The following COP1 variants were observed in gnomAD, a reference collection of about 807,000 sequenced individuals.
COP1 encodes the protein COP1 E3 ubiquitin ligase.
A neutral mutation model predicts 101.3 loss-of-function variants in COP1; 24 were observed. The observed-to-expected ratio is 0.24, with a 90% CI of 0.17 to 0.33. COP1 has a LOEUF of 0.33. Among genes scored for constraint, COP1 ranks in the 10% least tolerant of loss-of-function variants. The pLI, the probability that COP1 is intolerant of heterozygous loss-of-function variation, is 1.00. For missense variants in COP1, 663 were observed against 906.2 expected (o/e 0.73, Z 3.45); for synonymous variants, 347 against 341.9 (o/e 1.01, Z -0.17).
rs9887807 is a variant in COP1, at chr1:176,159,984, T to G, written c.762+2885A>C. Among the ~76,000 whole-genome samples, 832 of 152,216 alleles carry G rather than the reference T, an allele frequency of 5.5e-3. 10 individuals are homozygous for G. The highest frequency in any genetic ancestry group is 0.019 in the African/African-American group (792 of 41,548). On this transcript the variant is annotated intron_variant, in intron 5 of 19. Coordinates refer to ENST00000367669, the MANE Select transcript of COP1 (RefSeq NM_022457.7). ...TTATTTTCTGTACTTTTCTGTATGC[T>G]GGAAAGATTCAGGTTAAATAATAAT...
intron 15 of COP1, among the ~76,000 whole-genome samples, chr1:176,009,258 C>T (rs145420623): frequency 3.9e-5 from 6 of 152,200 alleles, no homozygotes; most frequent in East Asian, 1.9e-4. Context: ...CTGTGGGTAT[C>T]GACAGGTATT....
intron 4 of COP1, among the ~76,000 whole-genome samples, chr1:176,163,436 G>A (rs1224328879): frequency 2.0e-5 from 3 of 152,192 alleles, no homozygotes; most frequent in Non-Finnish European, 1.5e-5. Flanking sequence ...GCCCAAGCTA[G>A]TCTCAAATTC....
intron 15 of COP1, among the ~76,000 whole-genome samples, chr1:176,026,171 A>G (rs1190489442): frequency 1.3e-5 from 2 of 152,086 alleles, no homozygotes; most frequent in Non-Finnish European, 2.9e-5. Context: ...GTAGGTTCCT[A>G]TTTTCCAAGA....
In COP1 at chr1:176,079,555, C is replaced by T. The variant is rs569350160; in HGVS notation, c.1277+1597G>A. Reference sequence around the variant, plus strand: ...GTACCTATGCTCACTGTCTGGGTGACGGAAATGTTAGGACCCCAAGCCTCA... The same window carrying T: ...GTACCTATGCTCACTGTCTGGGTGATGGAAATGTTAGGACCCCAAGCCTCA... On this transcript the variant is annotated intron_variant, in intron 11 of 19. Coordinates refer to ENST00000367669, the MANE Select transcript of COP1 (RefSeq NM_022457.7). Among the ~76,000 whole-genome samples the T allele has an allele frequency of 4.0e-5, 6 of 150,972 alleles. No individual in the cohort carries two copies. In the East Asian group the frequency reaches 5.8e-4, roughly 15 times the overall value.
intron 2 of COP1, among the ~76,000 whole-genome samples, chr1:176,181,614 G>T (rs1459429038): frequency 1.3e-5 from 2 of 151,878 alleles, no homozygotes; most frequent in African/African-American, 4.8e-5. Flanking sequence ...AGGCCGAGGC[G>T]GGCGGATCAC....
At chr1:176,047,443 T>C (rs1671709852) in intron 11 of COP1, among the ~76,000 whole-genome samples, 1 of 152,090 alleles carries the variant, frequency 6.6e-6, no homozygotes, top group Non-Finnish European at 1.5e-5. Context: ...AAACACAAGG[T>C]AGTCTGGTTT....
At chr1:175,948,645 A>G (rs1174851144) in intron 18 of COP1, among the ~76,000 whole-genome samples, 1 of 152,206 alleles carries the variant, frequency 6.6e-6, no homozygotes, top group Non-Finnish European at 1.5e-5. Context: ...ATTTCTAATA[A>G]AGCTGCTCTT....
intron 6 of COP1, among the ~76,000 whole-genome samples, chr1:176,144,825 T>A (rs186231383): frequency 6.6e-6 from 1 of 152,270 alleles, no homozygotes; most frequent in East Asian, 1.9e-4. Flanking sequence ...GATATCCATA[T>A]GAAAATATCT....
At chr1:176,008,041 T>C (rs1433645516) in intron 15 of COP1, among the ~76,000 whole-genome samples, 16 of 152,162 alleles carry the variant, frequency 1.1e-4, no homozygotes, top group Admixed American at 1.0e-3. Flanking sequence ...GGATATAATC[T>C]CGTGGTGCGC....
intron 8 of COP1, among the ~76,000 whole-genome samples, chr1:176,119,984 C>A (rs1027513116): frequency 6.6e-6 from 1 of 152,124 alleles, no homozygotes; most frequent in Admixed American, 6.5e-5. Flanking sequence ...CCAGAGTCCA[C>A]AAGAACGACC....
At chr1:176,046,532 T>G (rs1246802214) in intron 11 of COP1, among the ~76,000 whole-genome samples, 2 of 152,100 alleles carry the variant, frequency 1.3e-5, no homozygotes, top group South Asian at 2.1e-4. Flanking sequence ...CATTTGTATA[T>G]CTACACAATT....
At chr1:176,121,619 G>T (rs1003702783) in intron 8 of COP1, among the ~76,000 whole-genome samples, 20 of 152,084 alleles carry the variant, frequency 1.3e-4, no homozygotes, top group Admixed American at 1.2e-3. Flanking sequence ...TTGCAACTTG[G>T]ACATATAAAT....
intron 11 of COP1, among the ~76,000 whole-genome samples, chr1:176,055,821 T>C (rs60630667): frequency 0.066 from 10,073 of 152,270 alleles, 415 homozygotes; most frequent in Middle Eastern, 0.12. Flanking sequence ...TTCTTATTTT[T>C]ATATTTATTT....
At chr1:176,027,767 G>A in intron 14 of COP1, 79 bp from the exon 15 acceptor site, 1 of 831,592 alleles carries the variant, frequency 1.2e-6, no homozygotes, top group Non-Finnish European at 2.0e-6. Context: ...GGGAAAGTTG[G>A]CTTATTGCTC....
intron 11 of COP1, among the ~76,000 whole-genome samples, chr1:176,064,950 C>A (rs1035824468): frequency 6.6e-6 from 1 of 152,134 alleles, no homozygotes; most frequent in Non-Finnish European, 1.5e-5. Flanking sequence ...CTTGTAGTAG[C>A]TACCACTTCT....
chr1:176,112,773 T>A (rs1256722725), intron 9 of COP1, among the ~76,000 whole-genome samples: 1 of 150,272 alleles, frequency 6.7e-6, no homozygotes, highest in Admixed American at 6.6e-5. Flanking sequence ...TGAGATCCAC[T>A]TTTTTTTGGC....
intron 5 of COP1, among the ~76,000 whole-genome samples, chr1:176,151,213 T>C (rs533353896): frequency 7.2e-6 from 1 of 139,394 alleles, no homozygotes; most frequent in African/African-American, 2.7e-5. Context: ...AGGAAGCGTG[T>C]AAGAAAAAGA....
intron 3 of COP1, among the ~76,000 whole-genome samples, chr1:176,173,637 CAA>C (rs776004659): frequency 3.3e-5 from 4 of 120,366 alleles, no homozygotes; most frequent in Non-Finnish European, 3.6e-5. Context: ...GGCGCTGTCT[CAA>C]AAAAAAAAAA....
intron 9 of COP1, among the ~76,000 whole-genome samples, chr1:176,110,316 T>A (rs1452255120): frequency 6.6e-6 from 1 of 152,228 alleles, no homozygotes; most frequent in Non-Finnish European, 1.5e-5. Flanking sequence ...ACATGAAATG[T>A]AGCCTCTGTT....
Sources: allele counts gnomAD v4.1 joint callset (sites outside exome capture counted in the v4.1 genomes callset), GRCh38; gene constraint gnomAD v4.1.1; transcripts MANE v1.5; gene names NCBI Gene and HGNC (gene_info 2026-07-23, HGNC 2026-07-21).